The following KLHL13 variants were observed in gnomAD, a reference collection of about 807,000 sequenced individuals.
KLHL13 encodes kelch like family member 13.
A neutral mutation model predicts 37.1 loss-of-function variants in KLHL13; 10 were observed. The ratio of observed to expected loss-of-function variants is 0.27; its 90% CI spans 0.17 to 0.46. The LOEUF (loss-of-function observed/expected upper bound fraction) is 0.46, where lower values mean the gene tolerates loss of function less well. KLHL13 is among the 20% of genes least tolerant of loss of function. KLHL13 has a pLI of 1.00. For synonymous variants in KLHL13, 163 were observed against 181.2 expected (o/e 0.90, Z 0.81); for missense variants, 360 against 509.3 (o/e 0.71, Z 2.82).
At chrX:117,930,290 A>C (rs4623627) in intron 2 of KLHL13, among the ~76,000 whole-genome samples, 7,558 of 76,184 alleles carry the variant, frequency 0.099, 759 homozygotes, top group African/African-American at 0.29. Flanking sequence ...GGAAGGAAGG[A>C]AGGCAGGCAG....
Position 118,073,093 on chromosome X carries a change from CA to C in KLHL13, c.-56+43414del, listed in dbSNP as rs199562876. On this transcript the variant is annotated intron_variant, in intron 1 of 6. Transcript: ENST00000371882. The stretch of plus-strand genomic sequence containing the variant: ...TGGGTTACAGAGTGAGACACTCTCT[CA>C]AAAAAAAAAAAACCCCACAAATGAA... 2.5e-3 allele frequency among the ~76,000 whole-genome samples: 243 copies of C among 95,514 alleles called. 2 individuals carry two copies. The highest frequency in any genetic ancestry group is 7.0e-3 in the East Asian group (21 of 3,012). 82.9% of individuals were successfully genotyped at this position (95,514 alleles called of 115,157 possible).
chrX:117,971,896 T>C (rs139824294), intron 1 of KLHL13, among the ~76,000 whole-genome samples: 1,307 of 111,724 alleles, frequency 0.012, 21 homozygotes, highest in African/African-American at 0.04. Context: ...GCTTTTCTCG[T>C]ACTAATATTT....
intron 2 of KLHL13, among the ~76,000 whole-genome samples, chrX:117,933,812 G>A (rs1167906119): frequency 9.0e-6 from 1 of 111,145 alleles, no homozygotes; most frequent in South Asian, 3.8e-4. Flanking sequence ...ACCTTGAGGA[G>A]CTCACTGATA....
At chrX:117,900,302 T>C (rs1462604069) in intron 6 of KLHL13, among the ~76,000 whole-genome samples, 1 of 112,403 alleles carries the variant, frequency 8.9e-6, no homozygotes, top group East Asian at 2.8e-4. Flanking sequence ...TTAAAAATAT[T>C]TTCCTTGTGC....
intron 1 of KLHL13, among the ~76,000 whole-genome samples, chrX:118,101,213 G>A (rs187896253): frequency 1.8e-5 from 2 of 111,597 alleles, no homozygotes; most frequent in East Asian, 5.6e-4. Flanking sequence ...CCCAGTCCTA[G>A]CTACTGGAAA....
At position 117,926,885 on chromosome X, in the gene KLHL13, C is replaced by CTTTTTT. The variant is rs10596292; in HGVS notation, c.241-6521_241-6516dup. ...AAGCTCCAGGAGAAGCCCCCTACTT[C>CTTTTTT]TTTTTTTTTTTTTTTTTTTTTTTTT... On this transcript the variant is annotated intron_variant, in intron 2 of 6. Transcript: ENST00000262820. Among the ~76,000 whole-genome samples, 179 of 26,165 alleles carry CTTTTTT rather than the reference C, an allele frequency of 6.8e-3. 37 individuals are homozygous for CTTTTTT. Among genetic ancestry groups the CTTTTTT allele is most frequent in the Non-Finnish European group, 9.8e-3 (119 of 12,102 alleles). 22.7% of individuals were successfully genotyped at this position (26,165 alleles called of 115,157 possible). A position where few individuals can be genotyped will look rare whatever the true frequency, so the allele number is the denominator to read the frequency against.
intron 1 of KLHL13, chrX:117,983,329 A>C (rs1337001584): frequency 2.9e-6 from 1 of 347,506 alleles, no homozygotes; most frequent in Non-Finnish European, 5.0e-6. Flanking sequence ...AGCATGATTT[A>C]CATACTTTTT....
At chrX:118,110,164 T>A (rs1018426492) in intron 1 of KLHL13, among the ~76,000 whole-genome samples, 2 of 110,825 alleles carry the variant, frequency 1.8e-5, no homozygotes, top group African/African-American at 6.6e-5. Flanking sequence ...CCAATTCATA[T>A]CATGGACGCT....
At chrX:118,098,016 T>C (rs1383977663) in intron 1 of KLHL13, among the ~76,000 whole-genome samples, 2 of 111,830 alleles carry the variant, frequency 1.8e-5, no homozygotes, top group Non-Finnish European at 3.8e-5. Context: ...AACATAGGCA[T>C]GGGCAAGGAC....
chrX:117,969,338 C>T lies in KLHL13; in HGVS notation c.98+3393G>A, dbSNP rs1219407181. Among the ~76,000 whole-genome samples, 10 of 111,863 alleles carry T rather than the reference C, an allele frequency of 8.9e-5. No individual in the cohort carries two copies. In the Admixed American group the frequency reaches 9.5e-4, roughly 11 times the overall value. On this transcript the variant is annotated intron_variant, in intron 1 of 6. Coordinates refer to ENST00000262820, the Ensembl canonical transcript of KLHL13. The stretch of plus-strand genomic sequence containing the variant: ...AAGGCATTAACCCTATAATATTTGC[C>T]TGAAGGAACCATTTGCTGTTTTAAA...
chrX:118,020,634 A>G (rs1361192291), intron 1 of KLHL13, among the ~76,000 whole-genome samples: 2 of 110,785 alleles, frequency 1.8e-5, no homozygotes, highest in Non-Finnish European at 3.8e-5. Context: ...CAGCCATCCC[A>G]TTACTGGGTA....
chrX:117,971,915 A>C (rs185773930), intron 1 of KLHL13, among the ~76,000 whole-genome samples: 2 of 111,953 alleles, frequency 1.8e-5, no homozygotes, highest in Non-Finnish European at 3.8e-5. Context: ...TTTCTTTAAA[A>C]AAAGATTCGG....
chrX:117,973,404 G>A lies in KLHL13; in HGVS notation c.-576C>T, dbSNP rs750949819. Reference sequence around the variant, plus strand: ...AACCTCAGCATAGCCTTAGGCTACCGCTAATAGAGATCAGTGACTAAATTC... The same window carrying A: ...AACCTCAGCATAGCCTTAGGCTACCACTAATAGAGATCAGTGACTAAATTC... On this transcript the variant is annotated 5_prime_UTR_variant, in exon 1 of 7. Coordinates refer to ENST00000262820, the Ensembl canonical transcript of KLHL13. 25 of 966,002 alleles carry A rather than the reference G, an allele frequency of 2.6e-5. No individual in the cohort carries two copies. The East Asian group carries it at 8.4e-4, about 33-fold the overall frequency. 79.6% of individuals were successfully genotyped at this position (966,002 alleles called of 1,213,427 possible). A position where few individuals can be genotyped will look rare whatever the true frequency, so the allele number is the denominator to read the frequency against.
At chrX:117,959,305 G>A (rs1468448736) in intron 1 of KLHL13, among the ~76,000 whole-genome samples, 1 of 111,981 alleles carries the variant, frequency 8.9e-6, no homozygotes, top group Non-Finnish European at 1.9e-5. Flanking sequence ...ATTTGGTGAT[G>A]CTAAGGGGTT....
At chrX:118,089,908 G>A (rs1308116747) in intron 1 of KLHL13, among the ~76,000 whole-genome samples, 14 of 109,279 alleles carry the variant, frequency 1.3e-4, no homozygotes, top group African/African-American at 4.3e-4. Flanking sequence ...GTGAAACCCC[G>A]TCTCTACTAA....
chrX:117,986,256 G>A (rs1284482765), intron 1 of KLHL13, among the ~76,000 whole-genome samples: 1 of 111,932 alleles, frequency 8.9e-6, no homozygotes, highest in Non-Finnish European at 1.9e-5. Context: ...CATACATCAA[G>A]TGAACTCTAG....
intron 1 of KLHL13, among the ~76,000 whole-genome samples, chrX:118,029,760 G>A (rs1287324782): frequency 9.0e-6 from 1 of 111,315 alleles, no homozygotes; most frequent in Non-Finnish European, 1.9e-5. Flanking sequence ...CTTCAGTCCA[G>A]GAGTTTGAGA....
intron 1 of KLHL13, among the ~76,000 whole-genome samples, chrX:118,098,361 A>G (rs1276428274): frequency 8.9e-6 from 1 of 111,967 alleles, no homozygotes; most frequent in African/African-American, 3.3e-5. Context: ...AATGCAAATC[A>G]AAACCACAAT....
At chrX:118,049,002 GATA>G (rs1311805484) in intron 1 of KLHL13, among the ~76,000 whole-genome samples, 1 of 111,778 alleles carries the variant, frequency 8.9e-6, no homozygotes, top group Non-Finnish European at 1.9e-5. Flanking sequence ...ACCTATCTTA[GATA>G]ATATTTCAAA....
Sources: gnomAD v4.1 joint callset for allele counts (sites outside exome capture counted in the v4.1 genomes callset) on GRCh38, gnomAD v4.1.1 for gene constraint, MANE v1.5 for transcripts, NCBI Gene and HGNC (gene_info 2026-07-23, HGNC 2026-07-21) for gene names.